GAS7: variants seen among roughly 807,000 people sequenced by gnomAD.
The protein encoded by GAS7 is growth arrest-specific protein 7.
GAS7 carries 28 observed loss-of-function variants against 71.1 expected under a neutral mutation model. The ratio of observed to expected loss-of-function variants is 0.39; its 90% CI spans 0.29 to 0.54. The LOEUF (loss-of-function observed/expected upper bound fraction) is 0.54, where lower values mean the gene tolerates loss of function less well. Ranked by LOEUF, GAS7 falls within the 20% of genes least tolerant of loss-of-function variation. The probability of loss-of-function intolerance (pLI) is 0.62; values close to 1 mark genes in which losing one functional copy is unlikely to be tolerated. For missense variants in GAS7, 436 were observed against 627.8 expected (o/e 0.69, Z 3.27); for synonymous variants, 258 against 245.8 (o/e 1.05, Z -0.46).
intron 2 of GAS7, among the ~76,000 whole-genome samples, chr17:9,995,609 C>T (rs1282399051): frequency 1.3e-5 from 2 of 151,656 alleles, no homozygotes; most frequent in African/African-American, 2.4e-5. Context: ...CTGTAAGATA[C>T]TATGTTTTCA....
chr17:9,981,949 G>A lies in GAS7; in HGVS notation c.305-65C>T, dbSNP rs1597606067. ...CACAGGGCAGAACCTGAGTTTCACA[G>A]AGCAGAAGGAGATGCTCAGAGCTGG... On this transcript the variant is annotated intron_variant, in intron 2 of 13. Transcript: ENST00000432992. This position sits in a 1 kb window ranked among gnomAD's most constrained non-coding sequence, Gnocchi z 4.4. 5 of 887,288 alleles carry A rather than the reference G, an allele frequency of 5.6e-6. No individual in the cohort carries two copies. In the East Asian group the frequency reaches 1.2e-4, roughly 21 times the overall value. The allele number at this position is 887,288 out of a possible 1,614,324, so 55.0% of individuals were successfully genotyped here. A position where few individuals can be genotyped will look rare whatever the true frequency, so the allele number is the denominator to read the frequency against.
chr17:9,971,162 G>A (rs995138857), intron 3 of GAS7, among the ~76,000 whole-genome samples: 10 of 152,154 alleles, frequency 6.6e-5, no homozygotes, highest in African/African-American at 2.2e-4. Flanking sequence ...TTCGTGAGGT[G>A]GAGGTGGGAG....
intron 1 of GAS7, among the ~76,000 whole-genome samples, chr17:10,172,539 A>G (rs1302036182): frequency 6.6e-5 from 10 of 152,272 alleles, no homozygotes; most frequent in Middle Eastern, 3.2e-3. Context: ...AGAAGAAAAA[A>G]AAAGAAACAG....
intron 1 of GAS7, among the ~76,000 whole-genome samples, chr17:10,084,695 G>C (rs1053393533): frequency 2.0e-5 from 3 of 152,178 alleles, no homozygotes; most frequent in African/African-American, 7.2e-5. Flanking sequence ...TTGAACTCCT[G>C]ACCTCAGGTG....
At chr17:10,054,829 C>T (rs2073114182) in intron 1 of GAS7, among the ~76,000 whole-genome samples, 1 of 152,128 alleles carries the variant, frequency 6.6e-6, no homozygotes, top group African/African-American at 2.4e-5. Context: ...CTGCTCCCAC[C>T]CACCCGAGAA....
chr17:10,108,553 ATCTG>A (rs1237593866), intron 1 of GAS7, among the ~76,000 whole-genome samples: 1 of 152,194 alleles, frequency 6.6e-6, no homozygotes, highest in Non-Finnish European at 1.5e-5. Context: ...ATTTTGGAGG[ATCTG>A]TCTTTGTATT....
chr17:10,157,736 C>T (rs1049204586), intron 1 of GAS7, among the ~76,000 whole-genome samples: 2 of 152,166 alleles, frequency 1.3e-5, no homozygotes, highest in South Asian at 2.1e-4. Flanking sequence ...GACTCTTCAC[C>T]CTCCCCGCAA....
At chr17:10,023,865 T>C (rs2072365714) in intron 1 of GAS7, among the ~76,000 whole-genome samples, 1 of 152,250 alleles carries the variant, frequency 6.6e-6, no homozygotes, top group African/African-American at 2.4e-5. Flanking sequence ...GGCTCACACC[T>C]GTAATCCCAG....
chr17:9,975,458 C>T (rs2152123416), intron 3 of GAS7, among the ~76,000 whole-genome samples: 1 of 132,736 alleles, frequency 7.5e-6, no homozygotes, highest in Non-Finnish European at 1.6e-5. Context: ...CTTCTTCCCT[C>T]CCTCCCTTCC....
intron 3 of GAS7, among the ~76,000 whole-genome samples, chr17:9,977,255 C>T (rs1457015893): frequency 6.6e-6 from 1 of 152,190 alleles, no homozygotes; most frequent in Non-Finnish European, 1.5e-5. Flanking sequence ...CATTCAAGTA[C>T]TCAAGAGCCA....
chr17:9,937,456 C>A (rs2068441428), intron 8 of GAS7, among the ~76,000 whole-genome samples: 1 of 152,252 alleles, frequency 6.6e-6, no homozygotes, highest in South Asian at 2.1e-4. Context: ...AGAGCTGCTC[C>A]TCTATGTGCC....
chr17:10,126,347 TACACTCAC>T (rs2073946618), intron 1 of GAS7, among the ~76,000 whole-genome samples: 3 of 131,132 alleles, frequency 2.3e-5, no homozygotes, highest in Admixed American at 8.2e-5. Flanking sequence ...CACACACTCA[TACACTCAC>T]ACACACTCTT....
chr17:9,937,747 G>A (rs984730860), intron 8 of GAS7, among the ~76,000 whole-genome samples: 9 of 152,286 alleles, frequency 5.9e-5, no homozygotes, highest in African/African-American at 1.7e-4. Context: ...ATCATGGCTC[G>A]CTGACGACCA....
chr17:10,135,544 C>G (rs1458983121), intron 1 of GAS7, among the ~76,000 whole-genome samples: 2 of 152,228 alleles, frequency 1.3e-5, no homozygotes, highest in Non-Finnish European at 2.9e-5. Flanking sequence ...CCATCACGCT[C>G]TGCTGGTTTA....
At chr17:10,021,194 C>T (rs1014699631) in intron 1 of GAS7, among the ~76,000 whole-genome samples, 2 of 152,124 alleles carry the variant, frequency 1.3e-5, no homozygotes, top group Admixed American at 6.5e-5. Context: ...CTCAGCAAAG[C>T]CAGGGGACTG....
At chr17:9,948,737 G>A (rs143637374) in intron 5 of GAS7, among the ~76,000 whole-genome samples, 1,641 of 152,028 alleles carry the variant, frequency 0.011, 16 homozygotes, top group Middle Eastern at 0.024. Flanking sequence ...GCTAAGGAGC[G>A]TGAAGTACAG....
intron 1 of GAS7, among the ~76,000 whole-genome samples, chr17:10,160,806 C>T (rs2074248385): frequency 6.6e-6 from 1 of 152,162 alleles, no homozygotes; most frequent in Non-Finnish European, 1.5e-5. Context: ...ACCTCAAACT[C>T]CTGGCCTCAA....
rs187427890 is a variant in GAS7, at chr17:10,197,583, T to C, written c.183+625A>G. Among the ~76,000 whole-genome samples, 481 of 152,348 alleles carry C rather than the reference T, an allele frequency of 3.2e-3. 1 individual carries two copies. Among genetic ancestry groups the C allele is most frequent in the African/African-American group, 0.011 (453 of 41,596 alleles). Reference sequence around the variant, plus strand: ...CCAGGAACAAGCCACTTTCGGGTTCTGAGCCTTAGCCTCGGGGAGCTGGAC... The same window carrying C: ...CCAGGAACAAGCCACTTTCGGGTTCCGAGCCTTAGCCTCGGGGAGCTGGAC... On this transcript the variant is annotated intron_variant, in intron 1 of 13. Coordinates refer to ENST00000432992, the MANE Select transcript of GAS7 (RefSeq NM_201433.2).
chr17:9,990,063 A>G (rs1294644960), intron 2 of GAS7, among the ~76,000 whole-genome samples: 2 of 152,018 alleles, frequency 1.3e-5, no homozygotes, highest in African/African-American at 4.8e-5. Flanking sequence ...AGGTCAGGAG[A>G]TCAAGACCAT....
Sources: allele counts gnomAD v4.1 joint callset (sites outside exome capture counted in the v4.1 genomes callset), GRCh38; gene constraint gnomAD v4.1.1; non-coding constraint Gnocchi (gnomAD v3.1); transcripts MANE v1.5; gene names NCBI Gene and HGNC (gene_info 2026-07-23, HGNC 2026-07-21).